Variants in SPRYD7 observed in about 807,000 individuals in gnomAD.
The protein encoded by SPRYD7 is SPRY domain containing 7.
A neutral mutation model predicts 23.8 loss-of-function variants in SPRYD7; 14 were observed. The ratio of observed to expected loss-of-function variants is 0.59; its 90% CI spans 0.39 to 0.92. SPRYD7 has a LOEUF of 0.92. Among genes scored for constraint, SPRYD7 ranks in the 40% least tolerant of loss-of-function variants. The pLI is 0.00. For synonymous variants in SPRYD7, 75 were observed against 84.9 expected, an observed-to-expected ratio of 0.88 and a Z score of 0.64; for missense variants, 194 against 241.7, an observed-to-expected ratio of 0.80 and a Z score of 1.31.
At position 49,936,177 on chromosome 13, in the gene SPRYD7, A is replaced by G; in HGVS notation, c.59T>C (p.Ile20Thr). The G allele has an allele frequency of 6.2e-7, 1 of 1,609,754 alleles. No homozygotes were observed. The highest frequency in any genetic ancestry group is 8.5e-7 in the Non-Finnish European group (1 of 1,178,946). ...CACGGCCGGCATCTCCTTCAGAGGG[A>G]TGTGGCCAGTCCCCCCGTCTCTGCA... ...RCCRDGGTGH[I>T]PLKEMPAVQL... The change falls in exon 1 of 5, where the codon ATC (isoleucine) becomes ACC (threonine). Residue 20 changes from isoleucine to threonine, a missense_variant. By Grantham distance (89) the Ile-to-Thr change is moderately conservative (BLOSUM62 -1). Coordinates refer to ENST00000361840, the MANE Select transcript of SPRYD7 (RefSeq NM_020456.4).
chr13:49,924,414 T>C (rs1200814714), intron 3 of SPRYD7, among the ~76,000 whole-genome samples: 1 of 152,154 alleles, frequency 6.6e-6, no homozygotes, highest in East Asian at 1.9e-4. Context: ...TAGCTAGAAC[T>C]ACAGGGGCAT....
chr13:49,922,368 C>T lies in SPRYD7; in HGVS notation c.391-788G>A, dbSNP rs528878357. 8.0e-5 allele frequency among the ~76,000 whole-genome samples: 12 copies of T among 150,598 alleles called. 1 individual carries two copies. The highest frequency in any genetic ancestry group is 2.0e-4 in the Admixed American group (3 of 15,122). On this transcript the variant is annotated intron_variant, in intron 3 of 4. Transcript: ENST00000361840. The stretch of plus-strand genomic sequence containing the variant: ...AAATAAAAGGCTAGAAAAGACTTAG[C>T]CCATGTTATAAACCAATAGTGCTAC...
intron 4 of SPRYD7, among the ~76,000 whole-genome samples, chr13:49,915,597 A>G (rs918510085): frequency 6.6e-6 from 1 of 152,208 alleles, no homozygotes; most frequent in Non-Finnish European, 1.5e-5. Context: ...GTAACATCTT[A>G]CATGACTACA....
At position 49,936,268 on chromosome 13, in the gene SPRYD7, T is replaced by C; in HGVS notation, c.-33A>G. Reference sequence around the variant, plus strand: ...GGACCACCGACTCCGCCGCCGTCCCTAGACCGAGGCGACACTGCCCCCCGC... The same window carrying C: ...GGACCACCGACTCCGCCGCCGTCCCCAGACCGAGGCGACACTGCCCCCCGC... On this transcript the variant is annotated 5_prime_UTR_variant, in exon 1 of 5. Transcript: ENST00000361840. 2.6e-6 allele frequency: 4 copies of C among 1,513,878 alleles called. No homozygotes were observed. The highest frequency in any genetic ancestry group is 1.4e-5 in the African/African-American group (1 of 71,908). The allele number at this position is 1,513,878 out of a possible 1,614,324, so 93.8% of individuals were successfully genotyped here.
In SPRYD7 at chr13:49,912,793, G is replaced by A. The variant is rs1385064300; in HGVS notation, c.*2270C>T. On this transcript the variant is annotated 3_prime_UTR_variant, in exon 5 of 5. Transcript: ENST00000361840. ...ATTATGATAGAAAGCCAGACAAAAT[G>A]CATAATACATACATAGTTAAATTTC... 10 of 152,112 alleles carry A rather than the reference G, an allele frequency of 6.6e-5. No individual in the cohort carries two copies. The highest frequency in any genetic ancestry group is 1.3e-4 in the Non-Finnish European group (9 of 68,034). 9.4% of individuals were successfully genotyped at this position (152,112 alleles called of 1,614,324 possible).
At chr13:49,921,730 TA>T (rs34277408) in intron 3 of SPRYD7, 150 bp from the exon 4 acceptor site, 3 of 576,438 alleles carry the variant, frequency 5.2e-6, no homozygotes, top group Admixed American at 2.9e-5. Flanking sequence ...TGAACTGAGC[TA>T]AAAAAATGAG....
chr13:49,931,219 A>G (rs1955944513), intron 1 of SPRYD7, 85 bp from the exon 2 acceptor site: 6 of 860,016 alleles, frequency 7.0e-6, no homozygotes, highest in Non-Finnish European at 1.1e-5. Context: ...TTGCTCTGTC[A>G]CCCAGGCTGG....
chr13:49,917,153 G>A (rs1184736221), intron 4 of SPRYD7, among the ~76,000 whole-genome samples: 1 of 152,098 alleles, frequency 6.6e-6, no homozygotes, highest in African/African-American at 2.4e-5. Flanking sequence ...ACCCAGGCTG[G>A]AGTGCAGTGG....
chr13:49,932,538 T>C (rs1411570478), intron 1 of SPRYD7, among the ~76,000 whole-genome samples: 1 of 152,178 alleles, frequency 6.6e-6, no homozygotes, highest in Non-Finnish European at 1.5e-5. Flanking sequence ...CAGAATTACA[T>C]AATTCTAATA....
chr13:49,935,414 T>C (rs904529552), intron 1 of SPRYD7, among the ~76,000 whole-genome samples: 3 of 152,158 alleles, frequency 2.0e-5, no homozygotes, highest in African/African-American at 4.8e-5. Context: ...AAAGAGGCTA[T>C]GATGGGAGAG....
intron 4 of SPRYD7, among the ~76,000 whole-genome samples, chr13:49,915,567 T>C (rs993229777): frequency 2.6e-5 from 4 of 152,322 alleles, no homozygotes; most frequent in African/African-American, 9.6e-5. Context: ...AGTGCACCCT[T>C]TGTACACTTT....
At chr13:49,917,441 A>C (rs1357589941) in intron 4 of SPRYD7, among the ~76,000 whole-genome samples, 2 of 152,202 alleles carry the variant, frequency 1.3e-5, no homozygotes, top group East Asian at 3.8e-4. Context: ...CTTCAGTGTT[A>C]TGCAGTCTTT....
Position 49,936,330 on chromosome 13 carries a change from G to A in SPRYD7, c.-95C>T. On this transcript the variant is annotated 5_prime_UTR_variant, in exon 1 of 5. Coordinates refer to ENST00000361840, the MANE Select transcript of SPRYD7 (RefSeq NM_020456.4). The stretch of plus-strand genomic sequence containing the variant: ...GTCTCCTGCCCCCGCCCGAGGTCCG[G>A]ACTTGTCTATGTGGAGCTCGGAGGC... The A allele has an allele frequency of 1.2e-6, 1 of 868,934 alleles. No individual in the cohort carries two copies. Among genetic ancestry groups the A allele is most frequent in the Non-Finnish European group, 1.7e-6 (1 of 580,596 alleles). 53.8% of individuals were successfully genotyped at this position (868,934 alleles called of 1,614,324 possible).
chr13:49,930,235 A>G (rs1955931830), intron 2 of SPRYD7, among the ~76,000 whole-genome samples: 1 of 152,228 alleles, frequency 6.6e-6, no homozygotes, highest in African/African-American at 2.4e-5. Flanking sequence ...GCAGACTTCT[A>G]TCTGAATTCT....
chr13:49,925,559 C>G (rs547498535), intron 3 of SPRYD7, among the ~76,000 whole-genome samples: 2 of 152,122 alleles, frequency 1.3e-5, no homozygotes, highest in African/African-American at 4.8e-5. Flanking sequence ...CGCCTGTAAT[C>G]CCAGCACTTT....
Position 49,914,562 on chromosome 13 carries a change from T to C in SPRYD7, c.*501A>G, listed in dbSNP as rs1010967433. ...TTTAAGTTTTAAGAAAAGCGGTACA[T>C]GATACAGAAATAGACTGCCAAAAAT... On this transcript the variant is annotated 3_prime_UTR_variant, in exon 5 of 5. Transcript: ENST00000361840. 22 of 152,554 alleles carry C rather than the reference T, an allele frequency of 1.4e-4. No individual in the cohort carries two copies. The highest frequency in any genetic ancestry group is 4.6e-4 in the Admixed American group (7 of 15,296). The allele number at this position is 152,554 out of a possible 1,614,324, so 9.5% of individuals were successfully genotyped here. A position where few individuals can be genotyped will look rare whatever the true frequency, so the allele number is the denominator to read the frequency against.
At chr13:49,932,999 C>T (rs569374082) in intron 1 of SPRYD7, among the ~76,000 whole-genome samples, 72 of 152,282 alleles carry the variant, frequency 4.7e-4, no homozygotes, top group Non-Finnish European at 7.6e-4. Flanking sequence ...TGGCAAAGAC[C>T]ATGCAGTGCT....
intron 4 of SPRYD7, among the ~76,000 whole-genome samples, chr13:49,921,095 T>C (rs1352001336): frequency 6.6e-6 from 1 of 152,190 alleles, no homozygotes; most frequent in African/African-American, 2.4e-5. Flanking sequence ...TCTTGAATTA[T>C]AGTTCCCATT....
intron 1 of SPRYD7, among the ~76,000 whole-genome samples, chr13:49,933,914 A>T (rs985682983): frequency 1.3e-5 from 2 of 152,200 alleles, no homozygotes; most frequent in African/African-American, 4.8e-5. Context: ...AAGATATGGC[A>T]TCAATGATAA....
Sources: gnomAD v4.1 joint callset for allele counts (sites outside exome capture counted in the v4.1 genomes callset) on GRCh38, gnomAD v4.1.1 for gene constraint, MANE v1.5 for transcripts, NCBI Gene and HGNC (gene_info 2026-07-23, HGNC 2026-07-21) for gene names.